Variants in TRAK1 observed in about 807,000 individuals in gnomAD.
TRAK1 encodes trafficking kinesin protein 1.
Under a neutral mutation model 92.1 loss-of-function variants are expected in TRAK1, and 33 were observed. That is an observed-to-expected ratio of 0.36 (90% CI 0.27 to 0.48). The LOEUF is 0.48. Ranked by LOEUF, TRAK1 falls within the 20% of genes least tolerant of loss-of-function variation. The pLI is 0.99. For missense variants in TRAK1, 1,123 were observed against 1,257.9 expected, an observed-to-expected ratio of 0.89 and a Z score of 1.62; for synonymous variants, 521 against 517.3, an observed-to-expected ratio of 1.01 and a Z score of -0.10.
At chr3:42,043,615 TGG>T (rs140206820) in intron 1 of TRAK1, among the ~76,000 whole-genome samples, 3,856 of 136,090 alleles carry the variant, frequency 0.028, 66 homozygotes, top group South Asian at 0.065. Context: ...TCCATGGAGC[TGG>T]GGGGGGGGCG....
chr3:42,167,638 T>C (rs1439742930), intron 2 of TRAK1, among the ~76,000 whole-genome samples: 2 of 152,270 alleles, frequency 1.3e-5, no homozygotes, highest in East Asian at 1.9e-4. Context: ...CCCAGCACTT[T>C]GGGAGGCCGA....
intron 1 of TRAK1, among the ~76,000 whole-genome samples, chr3:42,070,617 T>A (rs1703894713): frequency 6.6e-6 from 1 of 151,986 alleles, no homozygotes; most frequent in African/African-American, 2.4e-5. Context: ...TTTGTAGAGA[T>A]GAGGCCTCAC....
chr3:42,201,460 C>CA (rs57638665), intron 12 of TRAK1, among the ~76,000 whole-genome samples: 8,616 of 139,252 alleles, frequency 0.062, 228 homozygotes, highest in Middle Eastern at 0.079. Context: ...GACTCTGTCT[C>CA]AAAAAAAAAA....
intron 2 of TRAK1, among the ~76,000 whole-genome samples, chr3:42,165,542 C>T (rs548905639): frequency 6.6e-6 from 1 of 152,266 alleles, no homozygotes; most frequent in Admixed American, 6.5e-5. Flanking sequence ...ATAACTGGAT[C>T]CAGGAGTGCC....
chr3:42,217,677 C>G, intron 14 of TRAK1: 1 of 985,382 alleles, frequency 1.0e-6, no homozygotes, highest in African/African-American at 1.7e-5. Flanking sequence ...TGTTATCTCT[C>G]TTTCAACTGT....
intron 2 of TRAK1, among the ~76,000 whole-genome samples, chr3:42,157,013 C>CTAATTA (rs1700608077): frequency 6.6e-6 from 1 of 151,824 alleles, no homozygotes; most frequent in African/African-American, 2.4e-5. Flanking sequence ...ATTAGCCAGG[C>CTAATTA]GTGGTGGCGG....
At chr3:42,052,413 C>T (rs1483221514) in intron 1 of TRAK1, among the ~76,000 whole-genome samples, 2 of 152,192 alleles carry the variant, frequency 1.3e-5, no homozygotes, top group Non-Finnish European at 2.9e-5. Context: ...TAGACTGGTG[C>T]AAAAGTCAGT....
At chr3:42,080,695 G>A (rs923698025) in intron 1 of TRAK1, among the ~76,000 whole-genome samples, 1 of 151,402 alleles carries the variant, frequency 6.6e-6, no homozygotes, top group Non-Finnish European at 1.5e-5. Context: ...CTGGCACCTT[G>A]GGGAAAGATT....
upstream of TRAK1, among the ~76,000 whole-genome samples, chr3:42,082,872 A>G (rs571492317): frequency 6.6e-6 from 1 of 152,308 alleles, no homozygotes; most frequent in Admixed American, 6.5e-5. Context: ...TTCATCATCT[A>G]CTGTTTTTCT....
intron 1 of TRAK1, among the ~76,000 whole-genome samples, chr3:42,095,718 G>GTCATCGTCATCATCATCATCA (rs778708244): frequency 5.0e-4 from 75 of 151,304 alleles, no homozygotes; most frequent in East Asian, 5.8e-4. Flanking sequence ...CTTTATCATC[G>GTCATCGTCATCATCATCATCA]TCATCATCAT....
At chr3:42,160,320 G>A in intron 2 of TRAK1, 2 of 1,609,396 alleles carry the variant, frequency 1.2e-6, no homozygotes, top group Non-Finnish European at 1.7e-6. Context: ...CCCCAAGGAT[G>A]GTCCCTTAGG....
intron 2 of TRAK1, among the ~76,000 whole-genome samples, chr3:42,167,959 G>C (rs781438574): frequency 5.3e-5 from 8 of 152,170 alleles, no homozygotes; most frequent in Non-Finnish European, 8.8e-5. Context: ...AGGACTATTT[G>C]GTCAAGTCTA....
chr3:42,142,124 T>G (rs921967432), intron 2 of TRAK1, among the ~76,000 whole-genome samples: 3 of 152,110 alleles, frequency 2.0e-5, no homozygotes, highest in Admixed American at 6.5e-5. Flanking sequence ...AGAGTGAGAC[T>G]CTGTCTTAAA....
chr3:42,194,694 C>T (rs1046624985), intron 9 of TRAK1, 110 bp from the exon 10 acceptor site: 17 of 1,331,816 alleles, frequency 1.3e-5, no homozygotes, highest in South Asian at 4.5e-5. Context: ...TGGTTCCACA[C>T]GTGCTGGGGA....
intron 1 of TRAK1, among the ~76,000 whole-genome samples, chr3:42,045,686 G>A: frequency 6.6e-6 from 1 of 152,196 alleles, no homozygotes; most frequent in African/African-American, 2.4e-5. Context: ...TGGAGAGATG[G>A]GAGTAGGGGG....
In TRAK1 at chr3:42,194,913, G is replaced by A. The variant is rs761561436; in HGVS notation, c.1085G>A (p.Arg362His). ...ACCATGCCCAATACCACGTCTCGGCGCTACCACTCACTGGGCCTGTTTCCC... is the reference window on the plus strand; with the variant it reads ...ACCATGCCCAATACCACGTCTCGGCACTACCACTCACTGGGCCTGTTTCCC... Reference protein sequence around the residue: ...NKTMPNTTSRRYHSLGLFPMD... With the variant: ...NKTMPNTTSRHYHSLGLFPMD... The change falls in exon 10 of 16, where the codon CGC becomes CAC. Residue 362 changes from arginine (R) to histidine (H), a missense_variant. Arg to His is a conservative substitution (Grantham distance 29). Transcript: ENST00000327628. The A allele has an allele frequency of 2.5e-6, 4 of 1,613,800 alleles. No individual in the cohort carries two copies. The highest frequency in any genetic ancestry group is 2.2e-5 in the South Asian group (2 of 90,986).
At chr3:42,182,645 G>A (rs1376718276) in intron 3 of TRAK1, among the ~76,000 whole-genome samples, 2 of 152,182 alleles carry the variant, frequency 1.3e-5, no homozygotes, top group Non-Finnish European at 2.9e-5. Flanking sequence ...AGCATTGCCA[G>A]TTTGGGGACT....
chr3:42,014,763 G>A (rs1388381081), intron 1 of TRAK1, among the ~76,000 whole-genome samples: 3 of 151,244 alleles, frequency 2.0e-5, no homozygotes, highest in Admixed American at 1.3e-4. Context: ...TGAAATTAGC[G>A]TCCGCTTTGA....
At position 42,202,066 on chromosome 3, in the gene TRAK1, CAAGAG is replaced by C. The variant is rs990067535; in HGVS notation, c.1428-363_1428-359del. Among the ~76,000 whole-genome samples the C allele has an allele frequency of 1.3e-5, 2 of 152,166 alleles. No homozygotes were observed. Among genetic ancestry groups the C allele is most frequent in the Non-Finnish European group, 2.9e-5 (2 of 68,024 alleles). ...AGTTGGGGTCTGGGCTCTTTTCCTT[CAAGAG>C]AAGAGAGAAACATGCCTTAACCCCA... On this transcript the variant is annotated intron_variant, in intron 12 of 15. Transcript: ENST00000327628. This position sits in a 1 kb window ranked among gnomAD's most constrained non-coding sequence, Gnocchi z 6.1.
Sources: gnomAD v4.1 joint callset for allele counts (sites outside exome capture counted in the v4.1 genomes callset) on GRCh38, gnomAD v4.1.1 for gene constraint, Gnocchi (gnomAD v3.1) non-coding constraint, MANE v1.5 for transcripts, NCBI Gene and HGNC (gene_info 2026-07-23, HGNC 2026-07-21) for gene names.